PHKB: variants seen among roughly 807,000 people sequenced by gnomAD.
The protein encoded by PHKB is phosphorylase kinase regulatory subunit beta.
A neutral mutation model predicts 152.1 loss-of-function variants in PHKB; 122 were observed. The observed-to-expected ratio is 0.80, with a 90% confidence interval of 0.69 to 0.93. PHKB has a LOEUF of 0.93. PHKB is among the 40% of genes least tolerant of loss of function. The pLI is 0.00. For missense variants in PHKB, 1,304 were observed against 1,328.4 expected (o/e 0.98, Z 0.29); for synonymous variants, 436 against 464.9 (o/e 0.94, Z 0.80).
chr16:47,596,135 G>A (rs1296652888), intron 12 of PHKB, among the ~76,000 whole-genome samples: 3 of 148,608 alleles, frequency 2.0e-5, no homozygotes, highest in African/African-American at 7.8e-5. Context: ...AGTCTCAGGA[G>A]ATCTGATGGT....
At chr16:47,685,388 G>T (rs1973945832) in intron 26 of PHKB, among the ~76,000 whole-genome samples, 1 of 152,106 alleles carries the variant, frequency 6.6e-6, no homozygotes, top group South Asian at 2.1e-4. Context: ...TCACGCCATT[G>T]CACTCCAGCC....
chr16:47,681,993 G>C (rs566283247), intron 26 of PHKB, among the ~76,000 whole-genome samples: 2 of 151,948 alleles, frequency 1.3e-5, no homozygotes, highest in Admixed American at 6.6e-5. Flanking sequence ...CAGCTTGTCT[G>C]TAAAGTATTT....
intron 13 of PHKB, among the ~76,000 whole-genome samples, chr16:47,600,527 CA>C (rs1972204009): frequency 1.3e-5 from 2 of 152,210 alleles, no homozygotes; most frequent in Admixed American, 6.5e-5. Context: ...GAGCTATTTG[CA>C]AAAATAAATA....
At chr16:47,485,759 A>G (rs967727676) in intron 1 of PHKB, among the ~76,000 whole-genome samples, 5 of 152,074 alleles carry the variant, frequency 3.3e-5, no homozygotes, top group Non-Finnish European at 7.4e-5. Context: ...AGCTAGGACT[A>G]CAGGCGTGTA....
intron 26 of PHKB, among the ~76,000 whole-genome samples, chr16:47,683,340 T>C (rs561612796): frequency 1.3e-5 from 2 of 152,360 alleles, no homozygotes; most frequent in South Asian, 4.1e-4. Context: ...TCTTTTTGTT[T>C]GTCTGTGCCT....
chr16:47,650,921 G>C lies in PHKB; in HGVS notation c.1971G>C (p.Gln657His). ...TCAAAGTTCATGTGGATCGTCTACA[G>C]GTAGCCTTCTGATTTTCAGTATGCA... ...GGVKVHVDRL[Q>H]TLISGAVVEQ... is the part of the protein sequence containing the mutation. The change falls in exon 20 of 31, where the codon CAG becomes CAC. Residue 657 changes from glutamine (Q) to histidine (H), a missense_variant and splice_region_variant. Physicochemically the swap from Gln to His is conservative, Grantham distance 24. Coordinates refer to ENST00000323584, the MANE Select transcript of PHKB (RefSeq NM_000293.3). The C allele has an allele frequency of 6.2e-7, 1 of 1,604,162 alleles. No individual in the cohort carries two copies. The highest frequency in any genetic ancestry group is 8.5e-7 in the Non-Finnish European group (1 of 1,170,942).
chr16:47,598,755 C>T, intron 13 of PHKB: 1 of 1,588,292 alleles, frequency 6.3e-7, no homozygotes, highest in Admixed American at 1.7e-5. Flanking sequence ...CATGTTCAGC[C>T]TAAAGAATCA....
chr16:47,644,821 G>T (rs1003566830), intron 16 of PHKB, among the ~76,000 whole-genome samples: 5 of 152,138 alleles, frequency 3.3e-5, no homozygotes, highest in African/African-American at 1.2e-4. Flanking sequence ...GACAAATACT[G>T]TATAACTAAA....
intron 6 of PHKB, among the ~76,000 whole-genome samples, chr16:47,526,436 C>T (rs1970769234): frequency 6.6e-6 from 1 of 151,608 alleles, no homozygotes; most frequent in Non-Finnish European, 1.5e-5. Context: ...TTCACCGTTG[C>T]TGATAAGCTC....
intron 1 of PHKB, among the ~76,000 whole-genome samples, chr16:47,482,409 G>A (rs533859715): frequency 1.1e-3 from 171 of 152,244 alleles, no homozygotes; most frequent in Admixed American, 3.1e-3. Context: ...CTAATTTATA[G>A]TTTATTGTGT....
At chr16:47,614,616 T>A in intron 14 of PHKB, among the ~76,000 whole-genome samples, 1 of 152,364 alleles carries the variant, frequency 6.6e-6, no homozygotes, top group East Asian at 1.9e-4. Flanking sequence ...TTTGCCACTT[T>A]AAGTGAATTA....
At chr16:47,516,230 T>G (rs954003683) in intron 6 of PHKB, among the ~76,000 whole-genome samples, 9 of 152,182 alleles carry the variant, frequency 5.9e-5, no homozygotes, top group Admixed American at 1.3e-4. Flanking sequence ...CCGGCCTCTT[T>G]CTTTTGTTTT....
Position 47,641,026 on chromosome 16 carries a change from G to A in PHKB, c.1459-9G>A. 1 of 1,612,612 alleles carries A rather than the reference G, an allele frequency of 6.2e-7. No individual in the cohort carries two copies. Among genetic ancestry groups the A allele is most frequent in the African/African-American group, 1.3e-5 (1 of 74,986 alleles). On this transcript the variant is annotated splice_polypyrimidine_tract_variant and intron_variant, in intron 14 of 30. Coordinates refer to ENST00000323584, the MANE Select transcript of PHKB (RefSeq NM_000293.3). ...AAATGTTTTCCCCCTCCCTTATTCTGCATTACAGGGCCCACTGGAAAATGA... is the reference window on the plus strand; with the variant it reads ...AAATGTTTTCCCCCTCCCTTATTCTACATTACAGGGCCCACTGGAAAATGA...
At chr16:47,639,091 A>G (rs891818790) in intron 14 of PHKB, among the ~76,000 whole-genome samples, 2 of 152,158 alleles carry the variant, frequency 1.3e-5, no homozygotes, top group African/African-American at 2.4e-5. Flanking sequence ...TCTTGGCAAC[A>G]TGGTGAAACC....
intron 18 of PHKB, 61 bp downstream of exon 18, chr16:47,649,265 T>C: frequency 4.3e-6 from 4 of 927,320 alleles, no homozygotes; most frequent in African/African-American, 3.2e-5. Flanking sequence ...TTTTATCATA[T>C]GTTACTATAT....
rs1485645875 is a variant in PHKB at position 47,664,907 on chromosome 16, G to C, written c.2359G>C (p.Ala787Pro). The C allele has an allele frequency of 1.9e-6, 3 of 1,613,452 alleles. No individual in the cohort carries two copies. In the African/African-American group the frequency reaches 4.0e-5, roughly 22 times the overall value. Reference protein sequence around the residue: ...KLWLAVRYGAAFTQKFSSSIA... With the variant: ...KLWLAVRYGAPFTQKFSSSIA... ...CAGGTTGGCGGTGCGCTACGGGGCT[G>C]CATTTACCCAGAAATTTTCTTCCTC... Residue 787 changes from alanine (A) to proline (P), a missense_variant, in exon 25 of 31, where the codon GCA (alanine) becomes CCA (proline). Coordinates refer to ENST00000323584, the MANE Select transcript of PHKB (RefSeq NM_000293.3).
intron 5 of PHKB, among the ~76,000 whole-genome samples, chr16:47,514,108 G>T (rs1440928970): frequency 2.6e-5 from 4 of 152,000 alleles, no homozygotes; most frequent in Admixed American, 2.0e-4. Flanking sequence ...TACAATAAAT[G>T]ATCTTTTTGT....
chr16:47,511,514 T>A, intron 4 of PHKB, 151 bp from the exon 5 acceptor site: 3 of 654,770 alleles, frequency 4.6e-6, no homozygotes, highest in Non-Finnish European at 8.1e-6. Context: ...CTTTTTGTAT[T>A]TTTTCTTGAG....
Position 47,681,391 on chromosome 16 carries a change from C to A in PHKB, c.2631-7650C>A, listed in dbSNP as rs199668504. 1.3e-4 allele frequency among the ~76,000 whole-genome samples: 20 copies of A among 148,256 alleles called. 1 individual carries two copies. The highest frequency in any genetic ancestry group is 3.2e-3 in the Middle Eastern group (1 of 314). ...GGGGTGTTAAAGTCTCCCATTTTTA[C>A]TGTGTGGGAGTCTAAGTCTCTTTGT... On this transcript the variant is annotated intron_variant, in intron 26 of 30. Coordinates refer to ENST00000323584, the MANE Select transcript of PHKB (RefSeq NM_000293.3).
Sources: gnomAD v4.1 joint callset for allele counts (sites outside exome capture counted in the v4.1 genomes callset) on GRCh38, gnomAD v4.1.1 for gene constraint, MANE v1.5 for transcripts, NCBI Gene and HGNC (gene_info 2026-07-23, HGNC 2026-07-21) for gene names.